The following CROCC variants were observed in gnomAD, a reference collection of about 807,000 sequenced individuals.
CROCC encodes ciliary rootlet coiled-coil, rootletin, also known as rootletin.
Under a neutral mutation model 245.2 loss-of-function variants are expected in CROCC, and 180 were observed. The observed-to-expected ratio is 0.73, with a 90% CI of 0.65 to 0.83. The LOEUF is 0.83. CROCC is among the 40% of genes least tolerant of loss of function. The pLI, the probability that CROCC is intolerant of heterozygous loss-of-function variation, is 0.00. For synonymous variants in CROCC, 1,205 were observed against 1,241.6 expected, an observed-to-expected ratio of 0.97 and a Z score of 0.62; for missense variants, 2,688 against 2,779.4, an observed-to-expected ratio of 0.97 and a Z score of 0.74.
rs142411267 is a variant in CROCC at position 16,924,361 on chromosome 1, C to T, written c.233C>T (p.Ser78Leu). Residue 78 changes from serine to leucine, a missense_variant, in exon 3 of 37, where the codon TCG becomes TTG. By Grantham distance (145) the Ser-to-Leu change is moderately radical. Coordinates refer to ENST00000375541, the MANE Select transcript of CROCC (RefSeq NM_014675.5). ...LPATEMASLL[S>L]LQEENQLLQQ... is the part of the protein sequence containing the mutation. The stretch of plus-strand genomic sequence containing the variant: ...GCCACAGAGATGGCATCGCTGCTGT[C>T]GCTGCAGGAGGAGAACCAGCTGCTG... The T allele has an allele frequency of 6.9e-4, 1,105 of 1,612,936 alleles. No homozygotes were observed. The East Asian group carries it at 0.02, about 30-fold the overall frequency.
At chr1:16,934,566 G>A (rs2075747513) in intron 8 of CROCC, among the ~76,000 whole-genome samples, 1 of 152,280 alleles carries the variant, frequency 6.6e-6, no homozygotes, top group African/African-American at 2.4e-5. Context: ...GCCTCCGAAA[G>A]TGCTGGAATT....
chr1:16,914,383 G>C (rs2075282270), intron 1 of CROCC, among the ~76,000 whole-genome samples: 2 of 152,356 alleles, frequency 1.3e-5, no homozygotes, highest in East Asian at 1.9e-4. Flanking sequence ...CAGGAGACTG[G>C]GGCCTGCAGG....
rs111276964 is a variant in CROCC, at chr1:16,930,401, G to A, written c.684-28G>A. The A allele has an allele frequency of 9.5e-5, 153 of 1,611,244 alleles. No homozygotes were observed. The African/African-American group carries it at 1.2e-3, about 13-fold the overall frequency. On this transcript the variant is annotated intron_variant, in intron 6 of 36. Transcript: ENST00000375541. ...TGGCAGGATGGCCCCCTGCGCGAGC[G>A]CCTACTGATCCCCTGTGCCCCATTC... is the stretch of plus-strand genomic sequence containing the variant.
Position 16,966,391 on chromosome 1 carries a change from G to A in CROCC, c.4697-17G>A. ...GCTGTGCTTGGCCATGCCTGACGGGGTGGGTGGTGGCTACAGCCCGGCGCA... is the reference window on the plus strand; with the variant it reads ...GCTGTGCTTGGCCATGCCTGACGGGATGGGTGGTGGCTACAGCCCGGCGCA... On this transcript the variant is annotated splice_polypyrimidine_tract_variant and intron_variant, in intron 29 of 36. Coordinates refer to ENST00000375541, the MANE Select transcript of CROCC (RefSeq NM_014675.5). The surrounding 1 kb of genome is among the most constrained non-coding windows in gnomAD (Gnocchi z 4.8). The A allele has an allele frequency of 6.6e-7, 1 of 1,509,086 alleles. No individual in the cohort carries two copies. The highest frequency in any genetic ancestry group is 1.3e-5 in the South Asian group (1 of 79,602). 93.5% of individuals were successfully genotyped at this position (1,509,086 alleles called of 1,614,324 possible).
chr1:16,937,289 G>A (rs2075812220), intron 9 of CROCC, among the ~76,000 whole-genome samples: 1 of 151,856 alleles, frequency 6.6e-6, no homozygotes, highest in African/African-American at 2.4e-5. Flanking sequence ...GGATGTGGAG[G>A]TTGCAGTGAG....
chr1:16,923,567 A>T (rs1272983019), intron 2 of CROCC, among the ~76,000 whole-genome samples: 2 of 151,308 alleles, frequency 1.3e-5, no homozygotes, highest in South Asian at 4.2e-4. Flanking sequence ...TCACAACCTG[A>T]CCTATGCTAT....
At chr1:16,932,681 CA>C (rs2075704623) in intron 8 of CROCC, among the ~76,000 whole-genome samples, 1 of 152,190 alleles carries the variant, frequency 6.6e-6, no homozygotes, top group Non-Finnish European at 1.5e-5. Flanking sequence ...CCATGGCAGC[CA>C]GGGGGGTTGC....
At position 16,924,216 on chromosome 1, in the gene CROCC, C is replaced by T. The variant is rs112807330; in HGVS notation, c.197-109C>T. The T allele has an allele frequency of 1.5e-5, 21 of 1,355,372 alleles. No homozygotes were observed. The African/African-American group carries it at 1.7e-4, about 11-fold the overall frequency. The allele number at this position is 1,355,372 out of a possible 1,614,324, so 84.0% of individuals were successfully genotyped here. ...TGCAGGCCTGGTGCTGCAGCCATTC[C>T]CATCTGGACTCCTCCCAGGGGCCTG... On this transcript the variant is annotated intron_variant, in intron 2 of 36. Coordinates refer to ENST00000375541, the MANE Select transcript of CROCC (RefSeq NM_014675.5).
Position 16,954,699 on chromosome 1 carries a change from A to T in CROCC, c.3322-35A>T. 1 of 1,526,148 alleles carries T rather than the reference A, an allele frequency of 6.6e-7. No homozygotes were observed. The highest frequency in any genetic ancestry group is 8.8e-7 in the Non-Finnish European group (1 of 1,131,394). The allele number at this position is 1,526,148 out of a possible 1,614,324, so 94.5% of individuals were successfully genotyped here. A position where few individuals can be genotyped will look rare whatever the true frequency, so the allele number is the denominator to read the frequency against. On this transcript the variant is annotated intron_variant, in intron 22 of 36. Transcript: ENST00000375541. The surrounding 1 kb of genome is among the most constrained non-coding windows in gnomAD (Gnocchi z 4.4). ...GGAGCAGCCCGGGGCTGGGGGACAC[A>T]GCAGGACCAAGTCTGAGGAGCCCCT...
Position 16,969,264 on chromosome 1 carries a change from T to A in CROCC, c.5225T>A (p.Leu1742His), listed in dbSNP as rs1386691239. 6.2e-7 allele frequency: 1 copy of A among 1,613,360 alleles called. No individual in the cohort carries two copies. Among genetic ancestry groups the A allele is most frequent in the African/African-American group, 1.3e-5 (1 of 75,020 alleles). ...TEALAQSSAS[L>H]NSTRDKNLHL... is the part of the protein sequence containing the mutation. The stretch of plus-strand genomic sequence containing the variant: ...GCCCTGGCCCAGAGCAGTGCCAGCC[T>A]CAACAGCACCCGGGACAAGAACCTG... The change falls in exon 32 of 37, where the codon CTC (leucine) becomes CAC (histidine). Residue 1742 changes from leucine to histidine, a missense_variant. By Grantham distance (99) the Leu-to-His change is moderately conservative. Coordinates refer to ENST00000375541, the MANE Select transcript of CROCC (RefSeq NM_014675.5).
At chr1:16,963,387 G>A (rs999625196) in intron 27 of CROCC, among the ~76,000 whole-genome samples, 4 of 151,872 alleles carry the variant, frequency 2.6e-5, no homozygotes, top group African/African-American at 9.7e-5. Context: ...CAGTCCCAGA[G>A]CATCAAGCAG....
intron 10 of CROCC, among the ~76,000 whole-genome samples, chr1:16,938,011 G>A (rs562923823): frequency 1.2e-4 from 18 of 152,264 alleles, no homozygotes; most frequent in African/African-American, 2.2e-4. Context: ...GCCACTAAGC[G>A]GGAGAGTCGG....
chr1:16,939,363 T>C (rs561039003), intron 12 of CROCC, among the ~76,000 whole-genome samples: 13 of 150,652 alleles, frequency 8.6e-5, no homozygotes, highest in African/African-American at 2.9e-4. Context: ...AGCCCAGAAG[T>C]GGGGGTGCTT....
chr1:16,939,183 T>G, intron 12 of CROCC, 41 bp downstream of exon 12: 3 of 1,232,100 alleles, frequency 2.4e-6, no homozygotes, highest in East Asian at 3.4e-5. Context: ...GCCAGAGGCC[T>G]GGGGGAGGGG....
At chr1:16,948,624 A>G in intron 18 of CROCC, 100 bp downstream of exon 18, 1 of 1,483,698 alleles carries the variant, frequency 6.7e-7, no homozygotes, top group Non-Finnish European at 9.0e-7. Flanking sequence ...GCAGTTACTA[A>G]GGAGTCTGGC....
At chr1:16,935,047 G>A (rs529859478) in intron 8 of CROCC, among the ~76,000 whole-genome samples, 68 of 152,288 alleles carry the variant, frequency 4.5e-4, no homozygotes, top group African/African-American at 1.6e-3. Context: ...TTACAGGCAT[G>A]AGCCACCACA....
intron 27 of CROCC, among the ~76,000 whole-genome samples, chr1:16,962,071 G>T (rs12088911): frequency 0.16 from 21,559 of 132,008 alleles, 1,638 homozygotes; most frequent in South Asian, 0.23. Context: ...TATTCTTTTT[G>T]TTTTTTTTTG....
intron 26 of CROCC, 143 bp downstream of exon 26, chr1:16,958,893 T>A: frequency 1.0e-6 from 1 of 987,978 alleles, no homozygotes; most frequent in Non-Finnish European, 1.5e-6. Flanking sequence ...TCCCCAGTTG[T>A]AGTAACAACA....
chr1:16,933,872 T>G (rs2075733149), intron 8 of CROCC, among the ~76,000 whole-genome samples: 2 of 152,302 alleles, frequency 1.3e-5, no homozygotes, highest in Admixed American at 1.3e-4. Flanking sequence ...GCTTTGTCTT[T>G]TAAGTCCCTT....
Sources: gnomAD v4.1 joint callset for allele counts (sites outside exome capture counted in the v4.1 genomes callset) on GRCh38, gnomAD v4.1.1 for gene constraint, Gnocchi (gnomAD v3.1) non-coding constraint, MANE v1.5 for transcripts, NCBI Gene and HGNC (gene_info 2026-07-23, HGNC 2026-07-21) for gene names.